KAZN: variants seen among roughly 807,000 people sequenced by gnomAD.
The protein encoded by KAZN is kazrin.
In KAZN, 40 loss-of-function variants were observed where a neutral mutation model predicts 87.4. That is an observed-to-expected ratio of 0.46 (90% CI 0.36 to 0.60). The LOEUF (loss-of-function observed/expected upper bound fraction) is 0.60. Ranked by LOEUF, KAZN falls within the 20% of genes least tolerant of loss-of-function variation. The pLI is 0.00. For synonymous variants in KAZN, 466 were observed against 458.3 expected, an observed-to-expected ratio of 1.02 and a Z score of -0.22; for missense variants, 898 against 1,073.9, an observed-to-expected ratio of 0.84 and a Z score of 2.29.
chr1:15,048,627 C>CGGTCCTGGGTCGTT (rs1557754248), intron 4 of KAZN, among the ~76,000 whole-genome samples: 3,189 of 96,016 alleles, frequency 0.033, 77 homozygotes, highest in South Asian at 0.063. Context: ...CCTGGGTCGT[C>CGGTCCTGGGTCGTT]GGTCCTGGGT....
At chr1:15,109,620 T>C (rs1641416984) in intron 13 of KAZN, among the ~76,000 whole-genome samples, 1 of 141,874 alleles carries the variant, frequency 7.0e-6, no homozygotes, top group African/African-American at 2.7e-5. Context: ...TATGTGTGTG[T>C]GTGTGTATAT....
At chr1:14,310,056 G>A (rs895407595) in intron 2 of KAZN, among the ~76,000 whole-genome samples, 1 of 152,156 alleles carries the variant, frequency 6.6e-6, no homozygotes, top group African/African-American at 2.4e-5. Context: ...GGCATTGGAT[G>A]GGGTTGGAGC....
intron 1 of KAZN, among the ~76,000 whole-genome samples, chr1:14,857,489 C>A (rs569090606): frequency 6.6e-6 from 1 of 151,942 alleles, no homozygotes; most frequent in Non-Finnish European, 1.5e-5. Flanking sequence ...GCCGAGATCG[C>A]GCCACTCTAC....
intron 2 of KAZN, among the ~76,000 whole-genome samples, chr1:14,468,749 G>A (rs143812437): frequency 5.4e-4 from 83 of 152,316 alleles, no homozygotes; most frequent in Non-Finnish European, 9.4e-4. Context: ...TTCACCATCA[G>A]TGTCTGGTTG....
intron 1 of KAZN, among the ~76,000 whole-genome samples, chr1:14,139,620 T>C (rs1645188278): frequency 6.6e-6 from 1 of 152,200 alleles, no homozygotes; most frequent in Admixed American, 6.5e-5. Flanking sequence ...GTATTTTCCC[T>C]CCTCTGGACA....
chr1:14,215,329 G>T (rs569663509), intron 2 of KAZN, among the ~76,000 whole-genome samples: 1 of 152,300 alleles, frequency 6.6e-6, no homozygotes, highest in East Asian at 1.9e-4. Context: ...AGTGTGGCTT[G>T]TAGGATTTAT....
At chr1:14,758,981 G>A (rs1644657595) in intron 1 of KAZN, among the ~76,000 whole-genome samples, 1 of 152,154 alleles carries the variant, frequency 6.6e-6, no homozygotes, top group East Asian at 1.9e-4. Flanking sequence ...GAAGAGAGAG[G>A]CAGACTTTAT....
intron 2 of KAZN, among the ~76,000 whole-genome samples, chr1:15,016,320 T>C (rs1317617105): frequency 6.6e-6 from 1 of 152,176 alleles, no homozygotes; most frequent in Non-Finnish European, 1.5e-5. Flanking sequence ...AGTCTCACTT[T>C]TGTTGCCTAG....
At chr1:14,728,548 G>C (rs1008699938) in intron 1 of KAZN, among the ~76,000 whole-genome samples, 1 of 152,158 alleles carries the variant, frequency 6.6e-6, no homozygotes, top group Non-Finnish European at 1.5e-5. Context: ...GGTCACCTAG[G>C]ATGGGGCCCA....
At chr1:14,149,086 C>T (rs2359948) in intron 1 of KAZN, among the ~76,000 whole-genome samples, 28,804 of 105,578 alleles carry the variant, frequency 0.27, 4,838 homozygotes, top group Non-Finnish European at 0.3. Flanking sequence ...TTCCTTCCTT[C>T]CTTCCTTTCT....
chr1:14,798,350 C>T (rs1268166793), intron 1 of KAZN, among the ~76,000 whole-genome samples: 1 of 151,438 alleles, frequency 6.6e-6, no homozygotes, highest in African/African-American at 2.4e-5. Flanking sequence ...CAGTAAACAT[C>T]TCTTCTCCAC....
At chr1:14,336,816 T>A (rs1335655879) in intron 2 of KAZN, among the ~76,000 whole-genome samples, 3 of 152,226 alleles carry the variant, frequency 2.0e-5, no homozygotes, top group African/African-American at 7.2e-5. Flanking sequence ...TTTGTTGAAT[T>A]ATATTTTTTT....
At chr1:14,590,604 G>C (rs980300544) in intron 2 of KAZN, among the ~76,000 whole-genome samples, 7 of 152,186 alleles carry the variant, frequency 4.6e-5, no homozygotes, top group Non-Finnish European at 8.8e-5. Context: ...GCCTGAGTTA[G>C]TAGAAATAAA....
chr1:14,902,584 G>T (rs565434322), intron 1 of KAZN, among the ~76,000 whole-genome samples: 1 of 152,110 alleles, frequency 6.6e-6, no homozygotes, highest in African/African-American at 2.4e-5. Context: ...CTAATATTCA[G>T]CTAGAGCCAG....
At chr1:14,328,327 A>G (rs1374831312) in intron 2 of KAZN, among the ~76,000 whole-genome samples, 12 of 152,186 alleles carry the variant, frequency 7.9e-5, no homozygotes, top group Admixed American at 7.9e-4. Flanking sequence ...TAGCTTCTCT[A>G]TTCTCAATTC....
At chr1:14,700,326 G>T (rs1322701096) in intron 1 of KAZN, among the ~76,000 whole-genome samples, 1 of 152,080 alleles carries the variant, frequency 6.6e-6, no homozygotes, top group African/African-American at 2.4e-5. Context: ...ACAAAAATTA[G>T]TTGGCCATGG....
At chr1:14,157,896 A>G (rs1557522809) in intron 1 of KAZN, among the ~76,000 whole-genome samples, 1 of 152,200 alleles carries the variant, frequency 6.6e-6, no homozygotes, top group Non-Finnish European at 1.5e-5. Context: ...GAGAAAGCGA[A>G]GGGGAAAGAG....
At chr1:15,085,753 G>GA (rs1640222750) in intron 8 of KAZN, among the ~76,000 whole-genome samples, 1 of 152,094 alleles carries the variant, frequency 6.6e-6, no homozygotes, top group Non-Finnish European at 1.5e-5. Flanking sequence ...CACAAGATAG[G>GA]AAAAAATAGA....
Position 14,252,798 on chromosome 1 carries a change from AT to A in KAZN, c.249+72209del, listed in dbSNP as rs994038612. On this transcript the variant is annotated intron_variant, in intron 2 of 16. Coordinates refer to the KAZN transcript ENST00000636203. ...ACGTCTCAAGGGCCTAACACAATAA[AT>A]TTATTCTGCACTCATCTTACAATCC... Among the ~76,000 whole-genome samples the A allele has an allele frequency of 1.5e-4, 23 of 152,280 alleles. No homozygotes were observed. The South Asian group carries it at 4.3e-3, about 29-fold the overall frequency.
Sources: gnomAD v4.1 joint callset for allele counts (sites outside exome capture counted in the v4.1 genomes callset) on GRCh38, gnomAD v4.1.1 for gene constraint, MANE v1.5 for transcripts, NCBI Gene and HGNC (gene_info 2026-07-23, HGNC 2026-07-21) for gene names.